FHIT: variants seen among roughly 807,000 people sequenced by gnomAD.
The protein encoded by FHIT is bis(5'-adenosyl)-triphosphatase.
FHIT carries 19 observed loss-of-function variants against 17.9 expected under a neutral mutation model. That is an observed-to-expected ratio of 1.06 (90% CI 0.74 to 1.56). FHIT has a LOEUF of 1.56. Among genes scored for constraint, FHIT ranks in the 40% most tolerant of loss-of-function variants. The pLI, the probability that FHIT is intolerant of heterozygous loss-of-function variation, is 0.00. For synonymous variants in FHIT, 81 were observed against 69.7 expected (o/e 1.16, Z -0.81); for missense variants, 248 against 189.2 (o/e 1.31, Z -1.82).
chr3:60,077,729 C>CACACACACACACACATATATAT (rs1559611496), intron 5 of FHIT, among the ~76,000 whole-genome samples: 1 of 67,248 alleles, frequency 1.5e-5, no homozygotes, highest in South Asian at 4.4e-4. Context: ...CACACACACA[C>CACACACACACACACATATATAT]ATATATAGAG....
At chr3:61,203,179 CAA>C (rs397876939) in intron 1 of FHIT, among the ~76,000 whole-genome samples, 1 of 86,368 alleles carries the variant, frequency 1.2e-5, no homozygotes, top group Non-Finnish European at 2.1e-5. Context: ...GACTCCGTCT[CAA>C]AAAAAAAAAA....
At chr3:60,769,956 C>A (rs1231908771) in intron 4 of FHIT, among the ~76,000 whole-genome samples, 7 of 152,146 alleles carry the variant, frequency 4.6e-5, no homozygotes, top group Admixed American at 4.6e-4. Context: ...TTTTGGACAC[C>A]TCACACCCCA....
At chr3:60,674,661 G>A (rs913448260) in intron 4 of FHIT, among the ~76,000 whole-genome samples, 14 of 152,152 alleles carry the variant, frequency 9.2e-5, no homozygotes, top group Non-Finnish European at 7.3e-5. Flanking sequence ...TCTCACTCCT[G>A]AGGCTGGCCT....
At chr3:60,313,506 G>A (rs1709036790) in intron 5 of FHIT, among the ~76,000 whole-genome samples, 1 of 152,168 alleles carries the variant, frequency 6.6e-6, no homozygotes, top group Non-Finnish European at 1.5e-5. Flanking sequence ...TAGATTTCAT[G>A]TGGTATATTT....
intron 5 of FHIT, among the ~76,000 whole-genome samples, chr3:60,174,847 A>T (rs116745936): frequency 1.4e-3 from 220 of 152,280 alleles, no homozygotes; most frequent in African/African-American, 5.0e-3. Context: ...CCTAGAAATG[A>T]CCAACGTGCT....
At chr3:61,060,380 A>G (rs1246992559) in intron 2 of FHIT, among the ~76,000 whole-genome samples, 1 of 152,186 alleles carries the variant, frequency 6.6e-6, no homozygotes, top group Non-Finnish European at 1.5e-5. Flanking sequence ...GTACTTTACT[A>G]TAGCTGAACA....
intron 5 of FHIT, among the ~76,000 whole-genome samples, chr3:60,323,835 A>C (rs1369433320): frequency 6.6e-6 from 1 of 152,204 alleles, no homozygotes; most frequent in African/African-American, 2.4e-5. Flanking sequence ...TCCCTGCCTG[A>C]GGCTCTGAGC....
intron 5 of FHIT, among the ~76,000 whole-genome samples, chr3:60,049,524 CCT>C (rs1358677717): frequency 6.6e-6 from 1 of 151,944 alleles, no homozygotes; most frequent in Non-Finnish European, 1.5e-5. Flanking sequence ...GAAAATTTAG[CCT>C]CTGATTTAAG....
intron 5 of FHIT, among the ~76,000 whole-genome samples, chr3:60,175,438 T>C (rs1279985920): frequency 6.6e-6 from 1 of 152,188 alleles, no homozygotes; most frequent in African/African-American, 2.4e-5. Flanking sequence ...TAATTATATA[T>C]GCTAACTCTT....
At chr3:60,327,095 A>C (rs1418688194) in intron 5 of FHIT, among the ~76,000 whole-genome samples, 1 of 152,032 alleles carries the variant, frequency 6.6e-6, no homozygotes, top group Non-Finnish European at 1.5e-5. Context: ...CAACCACAAC[A>C]TTTCCTAGGC....
intron 3 of FHIT, among the ~76,000 whole-genome samples, chr3:60,825,909 G>A (rs1348440823): frequency 2.0e-5 from 3 of 152,110 alleles, no homozygotes; most frequent in African/African-American, 7.2e-5. Flanking sequence ...GGTACAGGCA[G>A]CAAAGAAAGT....
At chr3:60,628,247 T>C (rs1316454002) in intron 4 of FHIT, among the ~76,000 whole-genome samples, 1 of 152,218 alleles carries the variant, frequency 6.6e-6, no homozygotes, top group African/African-American at 2.4e-5. Context: ...TTCTGTGTAT[T>C]TGCAAGTTTC....
intron 4 of FHIT, among the ~76,000 whole-genome samples, chr3:60,635,167 T>C (rs1412896836): frequency 6.6e-6 from 1 of 152,246 alleles, no homozygotes; most frequent in Non-Finnish European, 1.5e-5. Context: ...TTGTTCCTTA[T>C]TATCTATAAT....
chr3:59,897,966 G>A lies in FHIT; in HGVS notation c.348+24380C>T, dbSNP rs943672069. 9.2e-5 allele frequency among the ~76,000 whole-genome samples: 14 copies of A among 151,890 alleles called. No individual in the cohort carries two copies. In the East Asian group the frequency reaches 9.7e-4, roughly 11 times the overall value. ...TATTTTTTAGTAGAGACGGGGTTTC[G>A]CCGTGTTAGCCAGGATGGTCTCGAT... On this transcript the variant is annotated intron_variant, in intron 8 of 9. Coordinates refer to ENST00000492590, the MANE Select transcript of FHIT (RefSeq NM_002012.4).
intron 8 of FHIT, among the ~76,000 whole-genome samples, chr3:59,892,658 C>T (rs73839587): frequency 0.039 from 5,937 of 152,138 alleles, 379 homozygotes; most frequent in African/African-American, 0.13. Flanking sequence ...CAGGCTATTA[C>T]CAATGGTGGG....
rs143433131 is a variant in FHIT at position 60,649,203 on chromosome 3, C to T, written c.-17-112224G>A. On this transcript the variant is annotated intron_variant, in intron 4 of 9. Transcript: ENST00000492590. The stretch of plus-strand genomic sequence containing the variant: ...ACCAGGTCAGGAGATCGAGACCATT[C>T]TGGCTAACACGGTGAAACCCCGTCT... Among the ~76,000 whole-genome samples the T allele has an allele frequency of 7.5e-3, 1,138 of 152,204 alleles. 16 individuals are homozygous for T. Among genetic ancestry groups the T allele is most frequent in the African/African-American group, 0.025 (1,052 of 41,532 alleles).
At chr3:60,078,252 T>C (rs886711494) in intron 5 of FHIT, among the ~76,000 whole-genome samples, 1 of 152,114 alleles carries the variant, frequency 6.6e-6, no homozygotes, top group South Asian at 2.1e-4. Context: ...AGAAACCTGG[T>C]AGACACCACA....
intron 3 of FHIT, among the ~76,000 whole-genome samples, chr3:60,833,954 A>G (rs983609688): frequency 2.0e-5 from 3 of 152,176 alleles, no homozygotes; most frequent in Non-Finnish European, 2.9e-5. Flanking sequence ...TCAGTCAAGT[A>G]GTTTCATGTA....
intron 5 of FHIT, among the ~76,000 whole-genome samples, chr3:60,064,894 T>A (rs1422819622): frequency 1.3e-5 from 2 of 152,214 alleles, no homozygotes; most frequent in East Asian, 1.9e-4. Flanking sequence ...AATATCATAA[T>A]CTTCCCATTG....
Sources: gnomAD v4.1 joint callset for allele counts (sites outside exome capture counted in the v4.1 genomes callset) on GRCh38, gnomAD v4.1.1 for gene constraint, MANE v1.5 for transcripts, NCBI Gene and HGNC (gene_info 2026-07-23, HGNC 2026-07-21) for gene names.